SOS2: variants seen among roughly 807,000 people sequenced by gnomAD.
SOS2 encodes SOS Ras/Rho guanine nucleotide exchange factor 2.
In SOS2, 65 loss-of-function variants were observed where a neutral mutation model predicts 148.2. That is an observed-to-expected ratio of 0.44 (90% CI 0.36 to 0.54). SOS2 has a LOEUF of 0.54. Ranked by LOEUF, SOS2 falls within the 20% of genes least tolerant of loss-of-function variation. The pLI, the probability that SOS2 is intolerant of heterozygous loss-of-function variation, is 0.00. For synonymous variants in SOS2, 539 were observed against 537.1 expected (o/e 1.00, Z -0.05); for missense variants, 1,341 against 1,590.2 (o/e 0.84, Z 2.67).
chr14:50,167,508 C>A (rs899914620), intron 8 of SOS2, among the ~76,000 whole-genome samples: 2 of 152,072 alleles, frequency 1.3e-5, no homozygotes, highest in African/African-American at 4.8e-5. Flanking sequence ...GCACTCCAGC[C>A]TGGGCGACAA....
At chr14:50,172,927 G>C (rs908848047) in intron 8 of SOS2, among the ~76,000 whole-genome samples, 2 of 152,132 alleles carry the variant, frequency 1.3e-5, no homozygotes, top group African/African-American at 4.8e-5. Context: ...TAACATCTAA[G>C]AACTTCTGTC....
chr14:50,118,737 ACTATG>A lies in SOS2; in HGVS notation c.3601_3605del (p.His1201SerfsTer12). On this transcript the variant is annotated frameshift_variant, in exon 23 of 23. Coordinates refer to ENST00000216373, the MANE Select transcript of SOS2 (RefSeq NM_006939.4). LOFTEE classifies it high-confidence loss of function. ...GATCTCTTGGTGGTGGCGGAGGTGG[ACTATG>A]CAGAGGCCCATCAAATGCACCAGTA... 3.1e-6 allele frequency: 5 copies of A among 1,612,768 alleles called. No homozygotes were observed. Among genetic ancestry groups the A allele is most frequent in the Non-Finnish European group, 4.2e-6 (5 of 1,179,832 alleles).
intron 19 of SOS2, among the ~76,000 whole-genome samples, chr14:50,133,342 C>T (rs542210572): frequency 3.4e-5 from 5 of 147,874 alleles, no homozygotes; most frequent in Middle Eastern, 3.5e-3. Flanking sequence ...CGCCCCCAGG[C>T]GTGCACCACC....
At chr14:50,196,561 C>T (rs931371185) in intron 4 of SOS2, among the ~76,000 whole-genome samples, 2 of 151,992 alleles carry the variant, frequency 1.3e-5, no homozygotes, top group Non-Finnish European at 2.9e-5. Flanking sequence ...CCCCATTTCC[C>T]CCACTCCAGC....
chr14:50,188,369 C>G lies in SOS2; in HGVS notation c.714+128G>C. ...AGTGGTGCGAGCTGAGATCACGCCA[C>G]TGCACTCCAGCCTGGGCAACAGAGC... On this transcript the variant is annotated intron_variant, in intron 5 of 22. Coordinates refer to ENST00000216373, the MANE Select transcript of SOS2 (RefSeq NM_006939.4). 4.6e-6 allele frequency: 3 copies of G among 651,660 alleles called. No homozygotes were observed. The South Asian group carries it at 5.1e-5, about 11-fold the overall frequency. The allele number at this position is 651,660 out of a possible 1,614,324, so 40.4% of individuals were successfully genotyped here. A position where few individuals can be genotyped will look rare whatever the true frequency, so the allele number is the denominator to read the frequency against.
intron 5 of SOS2, 141 bp downstream of exon 5, chr14:50,188,356 T>G: frequency 1.7e-6 from 1 of 600,148 alleles, no homozygotes; most frequent in Non-Finnish European, 2.9e-6. Flanking sequence ...TGGTGCGAGC[T>G]GAGATCACGC....
chr14:50,176,211 T>C (rs1296164857), intron 7 of SOS2, among the ~76,000 whole-genome samples: 3 of 152,198 alleles, frequency 2.0e-5, no homozygotes. Context: ...AAACCCTCAC[T>C]AGGGCACCAA....
In SOS2 at chr14:50,182,616, G is replaced by C; in HGVS notation, c.715-10C>G. 3 of 1,591,762 alleles carry C rather than the reference G, an allele frequency of 1.9e-6. No homozygotes were observed. Among genetic ancestry groups the C allele is most frequent in the Non-Finnish European group, 2.6e-6 (3 of 1,163,728 alleles). ...AAATCTTTTCGATATCCTGAAAAAA[G>C]AGAAGGAAGGTTAAGAAATGTGAGA... On this transcript the variant is annotated splice_polypyrimidine_tract_variant and intron_variant, in intron 5 of 22. Coordinates refer to ENST00000216373, the MANE Select transcript of SOS2 (RefSeq NM_006939.4).
At chr14:50,131,046 T>C (rs896457030) in intron 19 of SOS2, among the ~76,000 whole-genome samples, 154 of 152,294 alleles carry the variant, frequency 1.0e-3, no homozygotes, top group Non-Finnish European at 3.8e-4. Context: ...CTAAAACATA[T>C]GAACCTAAAC....
chr14:50,128,220 G>GTCAA (rs1883745494), intron 21 of SOS2, among the ~76,000 whole-genome samples: 1 of 152,022 alleles, frequency 6.6e-6, no homozygotes, highest in South Asian at 2.1e-4. Flanking sequence ...TGACAGCAGG[G>GTCAA]TCAATACCTG....
chr14:50,147,763 G>A (rs779614820), intron 14 of SOS2, among the ~76,000 whole-genome samples: 2 of 151,848 alleles, frequency 1.3e-5, no homozygotes, highest in Non-Finnish European at 2.9e-5. Flanking sequence ...GAATGCCTGA[G>A]TATTTAATTA....
intron 12 of SOS2, among the ~76,000 whole-genome samples, chr14:50,154,539 C>T (rs1465720086): frequency 6.6e-6 from 1 of 152,042 alleles, no homozygotes; most frequent in Non-Finnish European, 1.5e-5. Flanking sequence ...AAGTTCATAG[C>T]GGCTTTATTC....
chr14:50,133,548 G>A (rs1372886846), intron 19 of SOS2, among the ~76,000 whole-genome samples: 1 of 152,146 alleles, frequency 6.6e-6, no homozygotes, highest in Non-Finnish European at 1.5e-5. Context: ...TTGTGAAGAT[G>A]AGATAGCATG....
intron 8 of SOS2, among the ~76,000 whole-genome samples, chr14:50,162,013 T>C (rs2139638043): frequency 6.6e-6 from 1 of 151,976 alleles, no homozygotes; most frequent in South Asian, 2.1e-4. Context: ...CCTCCCAAAG[T>C]GCTGGGATTA....
At chr14:50,134,763 C>T (rs903372913) in intron 18 of SOS2, among the ~76,000 whole-genome samples, 1 of 151,962 alleles carries the variant, frequency 6.6e-6, no homozygotes, top group Non-Finnish European at 1.5e-5. Flanking sequence ...ATTTAAATTA[C>T]TTTAAAAGTA....
rs997545891 is a variant in SOS2 at position 50,212,511 on chromosome 14, C to T, written c.88-8102G>A. On this transcript the variant is annotated intron_variant, in intron 1 of 22. Coordinates refer to ENST00000216373, the MANE Select transcript of SOS2 (RefSeq NM_006939.4). Reference sequence around the variant, plus strand: ...ATCAAAACAGTGAATACCACAAAAACGGTTACCTTTTGGAGAGTTATCCTG... The same window carrying T: ...ATCAAAACAGTGAATACCACAAAAATGGTTACCTTTTGGAGAGTTATCCTG... 3.9e-5 allele frequency among the ~76,000 whole-genome samples: 6 copies of T among 152,318 alleles called. No individual in the cohort carries two copies. In the East Asian group the frequency reaches 9.6e-4, roughly 24 times the overall value.
chr14:50,229,179 G>A (rs960629905), intron 1 of SOS2, among the ~76,000 whole-genome samples: 1 of 152,080 alleles, frequency 6.6e-6, no homozygotes, highest in African/African-American at 2.4e-5. Flanking sequence ...AAGTTGCAAT[G>A]TCCTAAATAC....
At chr14:50,133,145 T>G (rs1883944296) in intron 19 of SOS2, among the ~76,000 whole-genome samples, 1 of 152,054 alleles carries the variant, frequency 6.6e-6, no homozygotes, top group African/African-American at 2.4e-5. Flanking sequence ...GAAGCTTATG[T>G]TGGGAAATAA....
chr14:50,167,716 A>G (rs1885211018), intron 8 of SOS2, among the ~76,000 whole-genome samples: 1 of 152,074 alleles, frequency 6.6e-6, no homozygotes, highest in Admixed American at 6.6e-5. Context: ...CAAACAATAC[A>G]AAAATTAGAA....
Sources: allele counts gnomAD v4.1 joint callset (sites outside exome capture counted in the v4.1 genomes callset), GRCh38; gene constraint gnomAD v4.1.1; transcripts MANE v1.5; gene names NCBI Gene and HGNC (gene_info 2026-07-23, HGNC 2026-07-21).